The following HPSE2 variants were observed in gnomAD, a reference collection of about 807,000 sequenced individuals.
HPSE2 encodes inactive heparanase-2.
In HPSE2, 38 loss-of-function variants were observed where a neutral mutation model predicts 60.5. The observed-to-expected ratio is 0.63, with a 90% CI of 0.48 to 0.82. The LOEUF (loss-of-function observed/expected upper bound fraction) is 0.82, where lower values mean the gene tolerates loss of function less well. Ranked by LOEUF, HPSE2 falls within the 40% of genes least tolerant of loss-of-function variation. The pLI is 0.00. For synonymous variants in HPSE2, 295 were observed against 293.2 expected, an observed-to-expected ratio of 1.01 and a Z score of -0.06; for missense variants, 713 against 740.4, an observed-to-expected ratio of 0.96 and a Z score of 0.43.
intron 3 of HPSE2, among the ~76,000 whole-genome samples, chr10:99,103,838 C>T (rs1053560349): frequency 6.6e-6 from 1 of 152,174 alleles, no homozygotes; most frequent in Non-Finnish European, 1.5e-5. Context: ...CACACATCTA[C>T]AACCATCTGA....
chr10:99,259,308 C>CAA, the HPSE2 span, among the ~76,000 whole-genome samples: 205 of 134,176 alleles, frequency 1.5e-3, no homozygotes, highest in South Asian at 2.6e-3. Context: ...CCCCCCCCAC[C>CAA]AAAAAAAAAA....
chr10:99,255,936 G>C, the HPSE2 span, among the ~76,000 whole-genome samples: 1 of 152,218 alleles, frequency 6.6e-6, no homozygotes, highest in Non-Finnish European at 1.5e-5. Context: ...AAGGAGTCAT[G>C]GCTGGGGAGG....
chr10:98,848,429 A>T (rs941399144), intron 3 of HPSE2, among the ~76,000 whole-genome samples: 1 of 151,998 alleles, frequency 6.6e-6, no homozygotes, highest in African/African-American at 2.4e-5. Context: ...AAAAAAAAAA[A>T]TTAAAAAAAT....
intron 3 of HPSE2, among the ~76,000 whole-genome samples, chr10:98,947,874 C>T (rs1352828005): frequency 6.6e-6 from 1 of 152,016 alleles, no homozygotes; most frequent in Non-Finnish European, 1.5e-5. Flanking sequence ...TCAGGAAGCA[C>T]CTTTCCAGTA....
At chr10:98,754,523 C>T (rs1949833716) in intron 3 of HPSE2, among the ~76,000 whole-genome samples, 1 of 151,482 alleles carries the variant, frequency 6.6e-6, no homozygotes, top group African/African-American at 2.4e-5. Context: ...CTGTAAGATA[C>T]TATCCAAGAA....
the HPSE2 span, among the ~76,000 whole-genome samples, chr10:99,258,541 T>C: frequency 3.3e-5 from 5 of 152,246 alleles, no homozygotes; most frequent in African/African-American, 1.2e-4. Flanking sequence ...GGTTCTAAAA[T>C]GCAGATGAAA....
At position 98,458,637 on chromosome 10, in the gene HPSE2, T is replaced by C. The variant is rs1940148355; in HGVS notation, c.*937A>G. On this transcript the variant is annotated 3_prime_UTR_variant, in exon 12 of 12. Transcript: ENST00000370552. ...ACCAAACAATTAAGGGCTTACCCTA[T>C]AGAGCCCCTAATATTCTCTTAATTT... is the stretch of plus-strand genomic sequence containing the variant. The C allele has an allele frequency of 6.6e-6, 1 of 152,250 alleles. No individual in the cohort carries two copies. The highest frequency in any genetic ancestry group is 6.5e-5 in the Admixed American group (1 of 15,280). 9.4% of individuals were successfully genotyped at this position (152,250 alleles called of 1,614,324 possible).
chr10:98,782,868 GA>G, intron 3 of HPSE2, among the ~76,000 whole-genome samples: 1 of 132,146 alleles, frequency 7.6e-6, no homozygotes, highest in East Asian at 2.2e-4. Flanking sequence ...TTTTGATGAA[GA>G]GTTAGAATAA....
At chr10:98,888,670 T>A (rs935086060) in intron 3 of HPSE2, among the ~76,000 whole-genome samples, 9 of 152,226 alleles carry the variant, frequency 5.9e-5, no homozygotes, top group Non-Finnish European at 1.3e-4. Flanking sequence ...CTCCCCAAAC[T>A]GGCTGGCATA....
chr10:98,539,653 T>C lies in HPSE2; in HGVS notation c.1321-49457A>G, dbSNP rs541770416. Among the ~76,000 whole-genome samples, 3 of 152,346 alleles carry C rather than the reference T, an allele frequency of 2.0e-5. No homozygotes were observed. The South Asian group carries it at 6.2e-4, about 32-fold the overall frequency. The stretch of plus-strand genomic sequence containing the variant: ...TCAGGGACTTTCTCATCTACCTTTT[T>C]CTTACCCTCTCTGTATCTCCTTCTT... On this transcript the variant is annotated intron_variant, in intron 9 of 11. Coordinates refer to ENST00000370552, the MANE Select transcript of HPSE2 (RefSeq NM_021828.5).
the HPSE2 span, among the ~76,000 whole-genome samples, chr10:99,261,560 A>T: frequency 6.6e-6 from 1 of 152,184 alleles, no homozygotes; most frequent in Admixed American, 6.5e-5. Flanking sequence ...AACAACCCTT[A>T]GACACTTTAC....
intron 3 of HPSE2, among the ~76,000 whole-genome samples, chr10:99,036,560 A>C (rs964567629): frequency 6.6e-6 from 1 of 152,204 alleles, no homozygotes; most frequent in Non-Finnish European, 1.5e-5. Context: ...TAAATGAATA[A>C]ATGAGCAAGA....
chr10:98,504,568 C>T (rs1020022534), intron 9 of HPSE2, among the ~76,000 whole-genome samples: 4 of 152,104 alleles, frequency 2.6e-5, no homozygotes, highest in Non-Finnish European at 5.9e-5. Flanking sequence ...TGCCGGATCA[C>T]GAGGTCAGGA....
chr10:98,487,942 C>T (rs947981734), intron 10 of HPSE2, among the ~76,000 whole-genome samples: 7 of 152,342 alleles, frequency 4.6e-5, no homozygotes, highest in African/African-American at 1.7e-4. Flanking sequence ...CAGCTCCGTG[C>T]ATTCACTGTG....
intron 3 of HPSE2, among the ~76,000 whole-genome samples, chr10:98,994,488 A>T (rs1290705122): frequency 6.6e-6 from 1 of 152,146 alleles, no homozygotes; most frequent in Non-Finnish European, 1.5e-5. Context: ...AACAGGCATC[A>T]TAGGCAAGTA....
rs1589393534 is a variant in HPSE2 at position 98,543,344 on chromosome 10, G to A, written c.1321-53148C>T. ...CCGAAGGAAGTGCTAAACATGGAAA[G>A]GAACAACCGGTACCAGCCGCTGCAA... On this transcript the variant is annotated intron_variant, in intron 9 of 11. Transcript: ENST00000370552. Among the ~76,000 whole-genome samples, 3 of 152,212 alleles carry A rather than the reference G, an allele frequency of 2.0e-5. No individual in the cohort carries two copies. In the South Asian group the frequency reaches 6.2e-4, roughly 32 times the overall value.
chr10:98,762,709 T>C (rs1950033235), intron 3 of HPSE2, among the ~76,000 whole-genome samples: 1 of 41,074 alleles, frequency 2.4e-5, no homozygotes. Flanking sequence ...ATTGATCCCA[T>C]ACTTTTAAAA....
chr10:98,992,554 G>A (rs1407332095), intron 3 of HPSE2, among the ~76,000 whole-genome samples: 1 of 151,984 alleles, frequency 6.6e-6, no homozygotes, highest in Non-Finnish European at 1.5e-5. Flanking sequence ...AATTCTACAG[G>A]TTTTCATTGA....
At chr10:98,765,187 T>C (rs540336827) in intron 3 of HPSE2, among the ~76,000 whole-genome samples, 2 of 152,178 alleles carry the variant, frequency 1.3e-5, no homozygotes, top group Admixed American at 6.5e-5. Flanking sequence ...TGAAGAACAC[T>C]GAAGACAACT....
Sources: allele counts gnomAD v4.1 joint callset (sites outside exome capture counted in the v4.1 genomes callset), GRCh38; gene constraint gnomAD v4.1.1; transcripts MANE v1.5; gene names NCBI Gene and HGNC (gene_info 2026-07-23, HGNC 2026-07-21).